TNS3: variants seen among roughly 807,000 people sequenced by gnomAD.
TNS3 encodes tensin-3.
In TNS3, 45 loss-of-function variants were observed where a neutral mutation model predicts 140.9. The ratio of observed to expected loss-of-function variants is 0.32; its 90% CI spans 0.25 to 0.41. TNS3 has a LOEUF of 0.41. Among genes scored for constraint, TNS3 ranks in the 10% least tolerant of loss-of-function variants. The pLI, the probability that TNS3 is intolerant of heterozygous loss-of-function variation, is 1.00. For missense variants in TNS3, 1,716 were observed against 1,906.7 expected (o/e 0.90, Z 1.86); for synonymous variants, 815 against 788.4 (o/e 1.03, Z -0.56).
At chr7:47,281,089 C>T (rs773676533) in intron 28 of TNS3, among the ~76,000 whole-genome samples, 11 of 152,154 alleles carry the variant, frequency 7.2e-5, no homozygotes, top group Non-Finnish European at 1.5e-4. Flanking sequence ...TGTTACCAGC[C>T]CACCCCTTCC....
At chr7:47,348,044 G>T (rs1435143254) in intron 17 of TNS3, among the ~76,000 whole-genome samples, 1 of 152,208 alleles carries the variant, frequency 6.6e-6, no homozygotes, top group Non-Finnish European at 1.5e-5. Flanking sequence ...CTGCAGGCCA[G>T]GGAGGGGACC....
intron 16 of TNS3, among the ~76,000 whole-genome samples, chr7:47,384,906 G>A (rs933945706): frequency 2.0e-5 from 3 of 152,198 alleles, no homozygotes; most frequent in East Asian, 1.9e-4. Flanking sequence ...CACAGAGGCC[G>A]TAACAGTGTG....
chr7:47,293,030 T>A, intron 25 of TNS3, 125 bp from the exon 26 acceptor site: 1 of 738,968 alleles, frequency 1.4e-6, no homozygotes, highest in East Asian at 2.7e-5. Flanking sequence ...GCAACTGGTA[T>A]GTTAGATTAG....
chr7:47,317,793 G>C (rs943701241), intron 20 of TNS3, among the ~76,000 whole-genome samples: 11 of 152,194 alleles, frequency 7.2e-5, no homozygotes, highest in Admixed American at 4.6e-4. Flanking sequence ...GAGAAGATCA[G>C]GGTCTAGGGA....
rs553013684 is a variant in TNS3, at chr7:47,460,982, G to A, written c.-75-18927C>T. ...ATTACAGATCTATAGATCCCGCCAT[G>A]AGAAAATAAGTTTATTGAGCAATTA... On this transcript the variant is annotated intron_variant, in intron 4 of 30. Transcript: ENST00000311160. Among the ~76,000 whole-genome samples the A allele has an allele frequency of 8.1e-4, 124 of 152,306 alleles. 1 individual carries two copies. The highest frequency in any genetic ancestry group is 2.9e-3 in the African/African-American group (120 of 41,576).
chr7:47,442,113 C>A, intron 4 of TNS3, 58 bp from the exon 5 acceptor site: 2 of 1,099,204 alleles, frequency 1.8e-6, no homozygotes, highest in South Asian at 1.5e-5. Flanking sequence ...GTCTACATGA[C>A]ACAGACACCA....
chr7:47,480,983 A>G lies in TNS3; in HGVS notation c.-76+120T>C. On this transcript the variant is annotated intron_variant, in intron 4 of 30. Coordinates refer to ENST00000311160, the MANE Select transcript of TNS3 (RefSeq NM_022748.12). ...GCCTTGTGAATGCAAGCTACAGGTC[A>G]AAGGGAGGGCATGGATCCTAGAGGA... is the stretch of plus-strand genomic sequence containing the variant. 4 of 664,432 alleles carry G rather than the reference A, an allele frequency of 6.0e-6. No homozygotes were observed. The South Asian group carries it at 6.5e-5, about 11-fold the overall frequency. 41.2% of individuals were successfully genotyped at this position (664,432 alleles called of 1,614,324 possible). A position where few individuals can be genotyped will look rare whatever the true frequency, so the allele number is the denominator to read the frequency against.
intron 13 of TNS3, 99 bp downstream of exon 13, chr7:47,411,628 G>C: frequency 7.8e-7 from 1 of 1,288,860 alleles, no homozygotes; most frequent in Non-Finnish European, 1.1e-6. Flanking sequence ...CTTTTTTTGG[G>C]GGTGAGGGTT....
intron 23 of TNS3, among the ~76,000 whole-genome samples, chr7:47,299,606 T>G (rs1340352346): frequency 6.6e-6 from 1 of 152,174 alleles, no homozygotes; most frequent in Admixed American, 6.5e-5. Context: ...TGGATGGCAG[T>G]GGAGGGAACA....
chr7:47,407,518 G>A lies in TNS3; in HGVS notation c.723+4209C>T, dbSNP rs1477669920. Among the ~76,000 whole-genome samples the A allele has an allele frequency of 6.6e-6, 1 of 152,216 alleles. No homozygotes were observed. Among genetic ancestry groups the A allele is most frequent in the Non-Finnish European group, 1.5e-5 (1 of 68,048 alleles). On this transcript the variant is annotated intron_variant, in intron 13 of 30. Transcript: ENST00000311160. The surrounding 1 kb of genome is among the most constrained non-coding windows in gnomAD (Gnocchi z 4.1). ...AAACCACAGCCACAGGGACTGGGCCGTCAATGGCACCTGACTGCGCTAGTA... is the reference window on the plus strand; with the variant it reads ...AAACCACAGCCACAGGGACTGGGCCATCAATGGCACCTGACTGCGCTAGTA...
intron 2 of TNS3, among the ~76,000 whole-genome samples, chr7:47,518,511 C>T (rs781622476): frequency 1.6e-4 from 25 of 152,102 alleles, no homozygotes; most frequent in Admixed American, 3.3e-4. Flanking sequence ...TTTCTTTCCA[C>T]GTAATGATTT....
intron 1 of TNS3, among the ~76,000 whole-genome samples, chr7:47,546,474 C>T (rs1468030433): frequency 1.3e-5 from 2 of 152,134 alleles, no homozygotes; most frequent in Non-Finnish European, 2.9e-5. Context: ...AACCCCTCCC[C>T]AGGTGGCCCA....
intron 3 of TNS3, among the ~76,000 whole-genome samples, chr7:47,492,548 G>A (rs1457171716): frequency 1.3e-5 from 2 of 152,214 alleles, no homozygotes; most frequent in Non-Finnish European, 2.9e-5. Flanking sequence ...TACTGGGCAG[G>A]TGCCTGTGCC....
chr7:47,548,599 T>C (rs1291212360), intron 1 of TNS3, among the ~76,000 whole-genome samples: 4 of 152,198 alleles, frequency 2.6e-5, no homozygotes, highest in African/African-American at 7.2e-5. Context: ...CCTACCTCAC[T>C]GGTCCTGCCT....
intron 15 of TNS3, among the ~76,000 whole-genome samples, chr7:47,399,472 A>C (rs1793028973): frequency 6.6e-6 from 1 of 152,188 alleles, no homozygotes; most frequent in East Asian, 1.9e-4. Context: ...ATGGTATAAA[A>C]GTAGACACAC....
chr7:47,283,990 T>C, intron 27 of TNS3, 125 bp from the exon 28 acceptor site: 1 of 855,146 alleles, frequency 1.2e-6, no homozygotes, highest in Non-Finnish European at 1.7e-6. Flanking sequence ...TGGCCTATGC[T>C]GGGTGCATGT....
chr7:47,537,815 A>G (rs1799657448), intron 1 of TNS3, among the ~76,000 whole-genome samples: 1 of 152,072 alleles, frequency 6.6e-6, no homozygotes, highest in Non-Finnish European at 1.5e-5. Context: ...TTCTTCTACT[A>G]AAAAACTAGG....
chr7:47,456,098 AGT>A (rs1469964830), intron 4 of TNS3, among the ~76,000 whole-genome samples: 1 of 152,230 alleles, frequency 6.6e-6, no homozygotes, highest in Non-Finnish European at 1.5e-5. Flanking sequence ...AACAAGGTTT[AGT>A]GGTAGTAGCA....
intron 16 of TNS3, among the ~76,000 whole-genome samples, chr7:47,385,916 C>T (rs1792047231): frequency 1.3e-5 from 2 of 152,190 alleles, no homozygotes; most frequent in South Asian, 4.1e-4. Flanking sequence ...TTCCCACAAT[C>T]AATCAACACC....
Sources: gnomAD v4.1 joint callset for allele counts (sites outside exome capture counted in the v4.1 genomes callset) on GRCh38, gnomAD v4.1.1 for gene constraint, Gnocchi (gnomAD v3.1) non-coding constraint, MANE v1.5 for transcripts, NCBI Gene and HGNC (gene_info 2026-07-23, HGNC 2026-07-21) for gene names.